The following SV2C variants were observed in gnomAD, a reference collection of about 807,000 sequenced individuals.
The protein encoded by SV2C is synaptic vesicle glycoprotein 2C, also known as solute carrier family 22 member B3.
A neutral mutation model predicts 79.7 loss-of-function variants in SV2C; 49 were observed. The ratio of observed to expected loss-of-function variants is 0.61; its 90% confidence interval spans 0.49 to 0.78. The LOEUF (loss-of-function observed/expected upper bound fraction) is 0.78. Ranked by LOEUF, SV2C falls within the 30% of genes least tolerant of loss-of-function variation. The probability of loss-of-function intolerance (pLI) is 0.00; values close to 1 mark genes in which losing one functional copy is unlikely to be tolerated. For missense variants in SV2C, 833 were observed against 912.9 expected, an observed-to-expected ratio of 0.91 and a Z score of 1.13; for synonymous variants, 334 against 333.2, an observed-to-expected ratio of 1.00 and a Z score of -0.03.
chr5:76,080,403 C>T (rs79267602), upstream of SV2C, among the ~76,000 whole-genome samples: 2,900 of 152,208 alleles, frequency 0.019, 83 homozygotes, highest in African/African-American at 0.064. Context: ...CAGACATCTG[C>T]TGTGGAAGCC....
the SV2C span, among the ~76,000 whole-genome samples, chr5:76,000,500 A>G: frequency 6.6e-6 from 1 of 152,158 alleles, no homozygotes; most frequent in South Asian, 2.1e-4. Context: ...GGGACCCAGG[A>G]ATCTGAATTT....
intron 4 of SV2C, among the ~76,000 whole-genome samples, chr5:76,254,874 AG>A (rs1280428841): frequency 1.3e-5 from 2 of 152,198 alleles, no homozygotes; most frequent in Non-Finnish European, 2.9e-5. Flanking sequence ...AATGATCAAA[AG>A]CATCTGAGAC....
intron 4 of SV2C, chr5:76,280,913 C>T (rs1341700559): frequency 1.3e-5 from 7 of 520,010 alleles, no homozygotes; most frequent in South Asian, 8.4e-5. Context: ...CTGCTGTGTT[C>T]CTGGTGCTGA....
At position 76,211,831 on chromosome 5, in the gene SV2C, C is replaced by T. The variant is rs1161211707; in HGVS notation, c.913+1944C>T. ...TGCTGAGTTACAAAATCATGTCACA[C>T]GCTTTCTTTTGATGAACCTGAAAAG... On this transcript the variant is annotated intron_variant, in intron 4 of 12. Coordinates refer to ENST00000502798, the MANE Select transcript of SV2C (RefSeq NM_014979.4). Among the ~76,000 whole-genome samples, 7 of 152,100 alleles carry T rather than the reference C, an allele frequency of 4.6e-5. No individual in the cohort carries two copies. The East Asian group carries it at 5.8e-4, about 13-fold the overall frequency.
chr5:75,931,234 C>G, the SV2C span, among the ~76,000 whole-genome samples: 1 of 152,242 alleles, frequency 6.6e-6, no homozygotes, highest in South Asian at 2.1e-4. Flanking sequence ...AATTCTGCAG[C>G]TTTTCCTCCA....
the SV2C span, among the ~76,000 whole-genome samples, chr5:75,922,913 A>ATTG: frequency 4.5e-4 from 68 of 152,338 alleles, no homozygotes; most frequent in African/African-American, 1.6e-3. Flanking sequence ...AGGGAATTGA[A>ATTG]TTGTTACCAC....
the SV2C span, among the ~76,000 whole-genome samples, chr5:76,077,866 A>G: frequency 6.6e-6 from 1 of 152,094 alleles, no homozygotes; most frequent in South Asian, 2.1e-4. Context: ...GGCCTCTTAA[A>G]CTTTAGAGTT....
chr5:76,113,313 G>A (rs139210777), intron 1 of SV2C, among the ~76,000 whole-genome samples: 51 of 152,322 alleles, frequency 3.3e-4, no homozygotes, highest in African/African-American at 1.2e-3. Context: ...CCCAGTAAAC[G>A]GAAGATACGT....
At chr5:76,325,091 AT>A (rs1748946050) in intron 12 of SV2C, among the ~76,000 whole-genome samples, 1 of 152,052 alleles carries the variant, frequency 6.6e-6, no homozygotes, top group African/African-American at 2.4e-5. Flanking sequence ...ACTCCCTACA[AT>A]TTTTTCTCTC....
At chr5:76,086,473 A>G (rs557043828) in intron 1 of SV2C, among the ~76,000 whole-genome samples, 2 of 152,216 alleles carry the variant, frequency 1.3e-5, no homozygotes, top group Non-Finnish European at 2.9e-5. Flanking sequence ...TTTTCTGTGC[A>G]GCTATATCAA....
chr5:75,907,574 T>G, the SV2C span, among the ~76,000 whole-genome samples: 1 of 152,072 alleles, frequency 6.6e-6, no homozygotes, highest in Non-Finnish European at 1.5e-5. Context: ...GAATGACCTA[T>G]TTTGGGTAAA....
At chr5:76,140,058 G>C (rs1235585544) in intron 2 of SV2C, among the ~76,000 whole-genome samples, 4 of 152,044 alleles carry the variant, frequency 2.6e-5, no homozygotes, top group Admixed American at 1.3e-4. Flanking sequence ...TGGAGTAGTT[G>C]TTTTTGTTTT....
chr5:75,875,906 G>C, the SV2C span, among the ~76,000 whole-genome samples: 2 of 151,456 alleles, frequency 1.3e-5, no homozygotes, highest in South Asian at 4.2e-4. Context: ...AATAACTATT[G>C]TTAAAAAGTC....
intron 2 of SV2C, among the ~76,000 whole-genome samples, chr5:76,132,757 A>G (rs1019137007): frequency 3.3e-5 from 5 of 152,102 alleles, no homozygotes; most frequent in African/African-American, 1.2e-4. Flanking sequence ...GACAATTGTG[A>G]TTTCAAATGT....
chr5:76,211,383 A>G (rs988150432), intron 4 of SV2C, among the ~76,000 whole-genome samples: 4 of 152,192 alleles, frequency 2.6e-5, no homozygotes, highest in Non-Finnish European at 4.4e-5. Flanking sequence ...ATCTATAAGC[A>G]GTGAAATGCA....
intron 12 of SV2C, among the ~76,000 whole-genome samples, chr5:76,302,905 C>T (rs888628044): frequency 2.0e-5 from 3 of 152,184 alleles, no homozygotes; most frequent in Non-Finnish European, 4.4e-5. Flanking sequence ...TTTCCTAGAA[C>T]TATGCCAAAA....
chr5:76,209,967 A>T, intron 4 of SV2C, 80 bp downstream of exon 4: 2 of 1,474,476 alleles, frequency 1.4e-6, no homozygotes, highest in Non-Finnish European at 1.8e-6. Context: ...CCTCTCTTCT[A>T]AGGGCCACTT....
upstream of SV2C, among the ~76,000 whole-genome samples, chr5:76,080,949 G>A (rs1482403302): frequency 1.3e-5 from 2 of 152,214 alleles, no homozygotes; most frequent in African/African-American, 4.8e-5. Flanking sequence ...TGCTTTAGAG[G>A]GCAAGTCCAG....
At chr5:76,337,847 T>TA (rs796604460), downstream of SV2C, among the ~76,000 whole-genome samples, 3,819 of 151,716 alleles carry the variant, frequency 0.025, 160 homozygotes, top group African/African-American at 0.085. Flanking sequence ...CACAGTAATT[T>TA]AAAAAAAAAC....
Sources: gnomAD v4.1 joint callset for allele counts (sites outside exome capture counted in the v4.1 genomes callset) on GRCh38, gnomAD v4.1.1 for gene constraint, MANE v1.5 for transcripts, NCBI Gene and HGNC (gene_info 2026-07-23, HGNC 2026-07-21) for gene names.